The following GAREM1 variants were observed in gnomAD, a reference collection of about 807,000 sequenced individuals.
The protein encoded by GAREM1 is GRB2-associated and regulator of MAPK protein 1.
Under a neutral mutation model 71.3 loss-of-function variants are expected in GAREM1, and 26 were observed. The observed-to-expected ratio is 0.36, with a 90% CI of 0.27 to 0.51. GAREM1 has a LOEUF of 0.51. GAREM1 is among the 20% of genes least tolerant of loss of function. The probability of loss-of-function intolerance (pLI) is 0.95; values close to 1 mark genes in which losing one functional copy is unlikely to be tolerated. For missense variants in GAREM1, 1,026 were observed against 1,103.1 expected (o/e 0.93, Z 0.99); for synonymous variants, 440 against 433.2 (o/e 1.02, Z -0.20).
chr18:32,293,439 C>T (rs143366329), intron 3 of GAREM1, among the ~76,000 whole-genome samples: 6 of 152,228 alleles, frequency 3.9e-5, no homozygotes, highest in East Asian at 1.9e-4. Flanking sequence ...ATAAAGACCA[C>T]GATGAATTAT....
At chr18:32,385,550 T>C (rs923874657) in intron 2 of GAREM1, among the ~76,000 whole-genome samples, 4 of 152,226 alleles carry the variant, frequency 2.6e-5, no homozygotes, top group South Asian at 2.1e-4. Context: ...AGATGACTTG[T>C]AAATCTGAAA....
chr18:32,431,537 A>G (rs2144258199), intron 1 of GAREM1, among the ~76,000 whole-genome samples: 1 of 152,326 alleles, frequency 6.6e-6, no homozygotes, highest in South Asian at 2.1e-4. Flanking sequence ...CTGAGGCAGG[A>G]GAATCGCTGG....
At chr18:32,450,338 A>T (rs1239135250) in intron 1 of GAREM1, among the ~76,000 whole-genome samples, 1 of 152,200 alleles carries the variant, frequency 6.6e-6, no homozygotes, top group African/African-American at 2.4e-5. Flanking sequence ...TCTGGAGTTT[A>T]AAAAAGCTAA....
In GAREM1 at chr18:32,267,955, T is replaced by G. The variant is rs1242787436; in HGVS notation, c.2547A>C (p.Glu849Asp). ...TCAATTTGAAATCCTCTGAGAGGAT[T>G]TCTTCCGTTAGCTGAACAAGCAGGT... ...DGNLLVQLTE[E>D]ILSEDFKLSK... Residue 849 changes from glutamate to aspartate, a missense_variant, in exon 6 of 6, where the codon GAA becomes GAC. This residue lies in a region of GAREM1 where 636 missense variants were observed against 631.2 expected (regional missense o/e 1.01). Transcript: ENST00000269209. 28 of 1,613,928 alleles carry G rather than the reference T, an allele frequency of 1.7e-5. No individual in the cohort carries two copies. The highest frequency in any genetic ancestry group is 2.1e-5 in the Non-Finnish European group (25 of 1,179,942).
chr18:32,401,099 C>T (rs1285722890), intron 1 of GAREM1, among the ~76,000 whole-genome samples: 2 of 152,122 alleles, frequency 1.3e-5, no homozygotes, highest in African/African-American at 4.8e-5. Context: ...ACTGCATGTT[C>T]TCACTCATAG....
Position 32,470,597 on chromosome 18 carries a change from G to T in GAREM1, c.-169C>A. ...CGGCGACTGGGGCGGCCCGGAGGGA[G>T]GGGGCCGGCGCCCGGCTCAGCTGCC... is the stretch of plus-strand genomic sequence containing the variant. On this transcript the variant is annotated 5_prime_UTR_variant, in exon 1 of 6. Transcript: ENST00000269209. This position sits in a 1 kb window ranked among gnomAD's most constrained non-coding sequence, Gnocchi z 4.4. 1 of 250,096 alleles carries T rather than the reference G, an allele frequency of 4.0e-6. No homozygotes were observed. The highest frequency in any genetic ancestry group is 1.4e-4 in the South Asian group (1 of 6,958). The allele number at this position is 250,096 out of a possible 1,614,324, so 15.5% of individuals were successfully genotyped here.
intron 2 of GAREM1, among the ~76,000 whole-genome samples, chr18:32,363,901 T>TACACACAC (rs2047890817): frequency 7.7e-6 from 1 of 130,036 alleles, no homozygotes; most frequent in African/African-American, 3.5e-5. Flanking sequence ...TGGTCAAGGT[T>TACACACAC]ATACACACAC....
At chr18:32,413,849 GGTTA>G (rs2048442908) in intron 1 of GAREM1, among the ~76,000 whole-genome samples, 1 of 152,082 alleles carries the variant, frequency 6.6e-6, no homozygotes, top group Non-Finnish European at 1.5e-5. Flanking sequence ...TTGGTACTGT[GGTTA>G]GTTACACTCC....
intron 3 of GAREM1, among the ~76,000 whole-genome samples, chr18:32,304,729 G>A (rs1567956896): frequency 6.6e-6 from 1 of 152,194 alleles, no homozygotes; most frequent in South Asian, 2.1e-4. Context: ...TAAAGACACT[G>A]TGGGCTCAGG....
intron 2 of GAREM1, among the ~76,000 whole-genome samples, chr18:32,354,176 T>C (rs1275617514): frequency 6.6e-6 from 1 of 152,200 alleles, no homozygotes; most frequent in Non-Finnish European, 1.5e-5. Flanking sequence ...TTTTATATCA[T>C]ACGCAAAACA....
intron 1 of GAREM1, among the ~76,000 whole-genome samples, chr18:32,422,524 T>C (rs1237350260): frequency 6.6e-6 from 1 of 152,244 alleles, no homozygotes; most frequent in Non-Finnish European, 1.5e-5. Context: ...TCAATGTATG[T>C]TTCCTGGATT....
intron 1 of GAREM1, among the ~76,000 whole-genome samples, chr18:32,416,793 T>A (rs1417281778): frequency 6.6e-6 from 1 of 152,034 alleles, no homozygotes; most frequent in Non-Finnish European, 1.5e-5. Flanking sequence ...CTGGGGAAAG[T>A]CTCCAGGACA....
intron 1 of GAREM1, among the ~76,000 whole-genome samples, chr18:32,426,147 T>C (rs1416377804): frequency 6.6e-6 from 1 of 151,840 alleles, no homozygotes; most frequent in African/African-American, 2.4e-5. Context: ...GCCTCCCGAG[T>C]AGCTGGGATT....
chr18:32,397,540 T>A (rs1230738062), intron 1 of GAREM1, among the ~76,000 whole-genome samples: 1 of 151,568 alleles, frequency 6.6e-6, no homozygotes, highest in Admixed American at 6.6e-5. Context: ...CCAACAAAGA[T>A]CAAAAGAGAC....
intron 4 of GAREM1, among the ~76,000 whole-genome samples, chr18:32,272,621 T>C (rs1208784178): frequency 6.7e-6 from 1 of 150,074 alleles, no homozygotes; most frequent in Non-Finnish European, 1.5e-5. Context: ...TGCACCATTC[T>C]GGGGTCTTTT....
chr18:32,449,973 A>G (rs2048819566), intron 1 of GAREM1, among the ~76,000 whole-genome samples: 1 of 152,204 alleles, frequency 6.6e-6, no homozygotes, highest in Non-Finnish European at 1.5e-5. Context: ...GAACCTTTAA[A>G]AAGAATGGAC....
intron 2 of GAREM1, among the ~76,000 whole-genome samples, chr18:32,330,863 T>C (rs1020913274): frequency 6.6e-6 from 1 of 152,148 alleles, no homozygotes; most frequent in Non-Finnish European, 1.5e-5. Context: ...AGGGAACATT[T>C]TGAGGGTCTT....
Position 32,266,800 on chromosome 18 carries a change from C to T in GAREM1, c.*1071G>A, listed in dbSNP as rs1567939350. The stretch of plus-strand genomic sequence containing the variant: ...TGACAAATGCTCTTCAGACCTCTCA[C>T]CATCAGACACCAGGGGAAGGAGACC... On this transcript the variant is annotated 3_prime_UTR_variant, in exon 6 of 6. Coordinates refer to ENST00000269209, the MANE Select transcript of GAREM1 (RefSeq NM_001242409.2). The T allele has an allele frequency of 6.6e-6, 1 of 152,180 alleles. No homozygotes were observed. Among genetic ancestry groups the T allele is most frequent in the Non-Finnish European group, 1.5e-5 (1 of 68,044 alleles). 9.4% of individuals were successfully genotyped at this position (152,180 alleles called of 1,614,324 possible). A position where few individuals can be genotyped will look rare whatever the true frequency, so the allele number is the denominator to read the frequency against.
At chr18:32,459,183 A>T (rs2048928621) in intron 1 of GAREM1, among the ~76,000 whole-genome samples, 1 of 152,188 alleles carries the variant, frequency 6.6e-6, no homozygotes, top group African/African-American at 2.4e-5. Context: ...TTTTTGATTT[A>T]CATCCCATGC....
Sources: gnomAD v4.1 joint callset for allele counts (sites outside exome capture counted in the v4.1 genomes callset) on GRCh38, gnomAD v4.1.1 for gene constraint, gnomAD v4.1.1 regional missense constraint, Gnocchi (gnomAD v3.1) non-coding constraint, MANE v1.5 for transcripts, NCBI Gene and HGNC (gene_info 2026-07-23, HGNC 2026-07-21) for gene names.